CFAP54: variants seen among roughly 807,000 people sequenced by gnomAD.
CFAP54 encodes cilia- and flagella-associated protein 54.
CFAP54 carries 290 observed loss-of-function variants against 370.4 expected under a neutral mutation model. The ratio of observed to expected loss-of-function variants is 0.78; its 90% CI spans 0.71 to 0.86. The LOEUF is 0.86. Among genes scored for constraint, CFAP54 ranks in the 40% least tolerant of loss-of-function variants. The pLI is 0.00. For synonymous variants in CFAP54, 1,206 were observed against 1,236.5 expected, an observed-to-expected ratio of 0.98 and a Z score of 0.52; for missense variants, 3,399 against 3,528.7, an observed-to-expected ratio of 0.96 and a Z score of 0.93.
intron 39 of CFAP54, among the ~76,000 whole-genome samples, chr12:96,664,823 A>C (rs1260656283): frequency 9.6e-4 from 131 of 136,172 alleles, no homozygotes; most frequent in Middle Eastern, 3.6e-3. Context: ...AGATATATAT[A>C]TGTATATCCC....
chr12:96,634,343 C>T (rs776360759), intron 32 of CFAP54, among the ~76,000 whole-genome samples: 5 of 151,982 alleles, frequency 3.3e-5, no homozygotes, highest in African/African-American at 7.3e-5. Flanking sequence ...CGTGAGCCAC[C>T]GTGCCCGGCC....
Position 96,564,505 on chromosome 12 carries a change from C to T in CFAP54, c.2448C>T (p.Thr816=), listed in dbSNP as rs926863769. 1 of 698,174 alleles carries T rather than the reference C, an allele frequency of 1.4e-6. No individual in the cohort carries two copies. Among genetic ancestry groups the T allele is most frequent in the South Asian group, 1.5e-5 (1 of 66,590 alleles). The allele number at this position is 698,174 out of a possible 1,614,324, so 43.2% of individuals were successfully genotyped here. A position where few individuals can be genotyped will look rare whatever the true frequency, so the allele number is the denominator to read the frequency against. Residue 816 remains threonine (T), a synonymous_variant, in exon 18 of 68, where the codon ACC becomes ACT. Transcript: ENST00000524981. ...CAACTGTTAGCAAAGATATTTCTAC[C>T]AAGGGTCCGGAAAAGTTAAAACAAT... The part of the protein sequence containing the change: ...QTPTVSKDIS[T]KGPEKLKQSG...
chr12:96,742,238 T>C (rs1046983978), intron 51 of CFAP54, among the ~76,000 whole-genome samples: 3 of 152,230 alleles, frequency 2.0e-5, no homozygotes, highest in African/African-American at 7.2e-5. Flanking sequence ...AAAATGTTAA[T>C]AGAGGATTTC....
chr12:96,692,568 G>T (rs1416925066), intron 44 of CFAP54, among the ~76,000 whole-genome samples: 1 of 152,118 alleles, frequency 6.6e-6, no homozygotes, highest in East Asian at 1.9e-4. Flanking sequence ...TGTGGAAAAA[G>T]GTATCGTGTT....
intron 19 of CFAP54, among the ~76,000 whole-genome samples, chr12:96,573,871 G>A (rs928763972): frequency 6.6e-6 from 1 of 152,204 alleles, no homozygotes; most frequent in African/African-American, 2.4e-5. Context: ...CGAAGGAATG[G>A]TTGTCTTTGC....
chr12:96,521,929 C>T lies in CFAP54; in HGVS notation c.1015C>T (p.Gln339Ter). 1 of 1,534,592 alleles carries T rather than the reference C, an allele frequency of 6.5e-7. No individual in the cohort carries two copies. Among genetic ancestry groups the T allele is most frequent in the Non-Finnish European group, 8.7e-7 (1 of 1,145,748 alleles). The change falls in exon 7 of 68, where the codon CAG becomes TAG. Residue 339 changes from glutamine to a stop codon, truncating the protein, a stop_gained. Transcript: ENST00000524981. LOFTEE classifies it high-confidence loss of function. Reference protein sequence around the residue: ...QLELMSSSKSQEESRRYFREA... With the variant: ...QLELMSSSKS Reference sequence around the variant, plus strand: ...GGAATTAATGAGTTCCTCAAAATCCCAGGAAGAATCGCGAAGATATTTTCG... The same window carrying T: ...GGAATTAATGAGTTCCTCAAAATCCTAGGAAGAATCGCGAAGATATTTTCG...
At chr12:96,506,841 C>A in intron 3 of CFAP54, 87 bp from the exon 4 acceptor site, 4 of 1,190,792 alleles carry the variant, frequency 3.4e-6, no homozygotes, top group East Asian at 2.7e-5. Flanking sequence ...CCCACCTTGG[C>A]CTCCCTAAGT....
chr12:96,512,768 G>A (rs1017728545), intron 4 of CFAP54, among the ~76,000 whole-genome samples: 4 of 152,160 alleles, frequency 2.6e-5, no homozygotes, highest in Non-Finnish European at 4.4e-5. Context: ...GAAGATTCCT[G>A]TGTCAACATA....
chr12:96,688,419 G>A (rs886749885), intron 42 of CFAP54, among the ~76,000 whole-genome samples: 20 of 152,172 alleles, frequency 1.3e-4, no homozygotes, highest in Admixed American at 1.3e-3. Context: ...ACGTCCAGGG[G>A]TTCATTCAGT....
chr12:96,615,021 C>T (rs1361121291), intron 26 of CFAP54, among the ~76,000 whole-genome samples: 4 of 152,082 alleles, frequency 2.6e-5, no homozygotes, highest in Non-Finnish European at 4.4e-5. Flanking sequence ...CTTTAAAGTT[C>T]ATATGGAACC....
chr12:96,552,211 G>A (rs1955702032), intron 15 of CFAP54, among the ~76,000 whole-genome samples: 1 of 130,888 alleles, frequency 7.6e-6, no homozygotes, highest in African/African-American at 3.0e-5. Flanking sequence ...ACGCCATTGC[G>A]CTCCAACCTG....
At chr12:96,642,975 G>A (rs1956749272) in intron 32 of CFAP54, among the ~76,000 whole-genome samples, 1 of 152,186 alleles carries the variant, frequency 6.6e-6, no homozygotes, top group South Asian at 2.1e-4. Context: ...CCTGGAGGAA[G>A]CCTGTCCTGT....
intron 60 of CFAP54, among the ~76,000 whole-genome samples, chr12:96,776,651 TA>T (rs1156586287): frequency 5.3e-5 from 8 of 152,218 alleles, no homozygotes; most frequent in African/African-American, 1.9e-4. Context: ...TCTTTGAAAC[TA>T]AACCAGAACT....
At chr12:96,554,119 G>A in intron 15 of CFAP54, 63 bp from the exon 16 acceptor site, 3 of 1,049,238 alleles carry the variant, frequency 2.9e-6, no homozygotes, top group Non-Finnish European at 4.0e-6. Flanking sequence ...GTCAAAAATT[G>A]GAAGTGTTGC....
chr12:96,495,287 TC>T (rs1954938638), intron 1 of CFAP54, among the ~76,000 whole-genome samples: 5 of 147,176 alleles, frequency 3.4e-5, no homozygotes, highest in Non-Finnish European at 7.5e-5. Context: ...CTTCCTTCCT[TC>T]CTTCTTTCCT....
intron 56 of CFAP54, among the ~76,000 whole-genome samples, chr12:96,754,188 C>A (rs1958224330): frequency 6.6e-6 from 1 of 152,126 alleles, no homozygotes; most frequent in Admixed American, 6.5e-5. Context: ...AGCATAGCCT[C>A]TTAGCTATAA....
At chr12:96,645,696 A>G (rs1300457053) in intron 33 of CFAP54, 1 of 152,986 alleles carries the variant, frequency 6.5e-6, no homozygotes, top group Non-Finnish European at 1.5e-5. Flanking sequence ...CTGACTTCAA[A>G]CTATACTACA....
intron 60 of CFAP54, among the ~76,000 whole-genome samples, chr12:96,771,885 A>G (rs1160958989): frequency 6.6e-6 from 1 of 152,162 alleles, no homozygotes; most frequent in Non-Finnish European, 1.5e-5. Context: ...TCTTCTGAAG[A>G]TGGTTATAGT....
At chr12:96,815,202 C>G (rs1018771167) in intron 64 of CFAP54, among the ~76,000 whole-genome samples, 1 of 152,168 alleles carries the variant, frequency 6.6e-6, no homozygotes, top group Non-Finnish European at 1.5e-5. Flanking sequence ...TTTTCCGCAT[C>G]CTCTCCAGCG....
Sources: gnomAD v4.1 joint callset for allele counts (sites outside exome capture counted in the v4.1 genomes callset) on GRCh38, gnomAD v4.1.1 for gene constraint, MANE v1.5 for transcripts, NCBI Gene and HGNC (gene_info 2026-07-23, HGNC 2026-07-21) for gene names.